Variants in ATOSA observed in about 807,000 individuals in gnomAD.
ATOSA encodes the protein atos homolog A, also known as atos homolog protein A.
the ATOSA span, chr15:52,600,960 G>T: frequency 1.5e-6 from 1 of 656,936 alleles, no homozygotes; most frequent in Non-Finnish European, 2.7e-6. Context: ...GTGTGTACAT[G>T]GTATCATACT....
At chr15:52,611,542 A>G in the ATOSA span, 1 of 1,600,236 alleles carries the variant, frequency 6.2e-7, no homozygotes. Flanking sequence ...TTGATTTACC[A>G]AGAACAACTT....
At chr15:52,697,972 T>TTTTTTTTTTTA in the ATOSA span, among the ~76,000 whole-genome samples, 1 of 113,570 alleles carries the variant, frequency 8.8e-6, no homozygotes, top group Non-Finnish European at 1.8e-5. Flanking sequence ...TTTTTTTTTT[T>TTTTTTTTTTTA]TTTTTTTTTT....
chr15:52,605,219 A>G, the ATOSA span: 1 of 1,610,666 alleles, frequency 6.2e-7, no homozygotes, highest in South Asian at 1.1e-5. Flanking sequence ...TGTTTTCGCC[A>G]CACATTTGAA....
At chr15:52,683,885 G>C in the ATOSA span, among the ~76,000 whole-genome samples, 12 of 152,118 alleles carry the variant, frequency 7.9e-5, no homozygotes, top group Admixed American at 6.5e-4. Flanking sequence ...AACTACTATG[G>C]AAACCCTTCT....
the ATOSA span, among the ~76,000 whole-genome samples, chr15:52,682,971 T>C: frequency 6.6e-6 from 1 of 152,204 alleles, no homozygotes; most frequent in African/African-American, 2.4e-5. Flanking sequence ...GGTTCCTGTT[T>C]GTCTACCCTC....
chr15:52,613,462 C>T, the ATOSA span, among the ~76,000 whole-genome samples: 3 of 152,220 alleles, frequency 2.0e-5, no homozygotes, highest in East Asian at 5.8e-4. Context: ...CACTTCCCCA[C>T]TGATCAGCAG....
the ATOSA span, chr15:52,678,093 T>C: frequency 1.3e-6 from 2 of 1,546,282 alleles, no homozygotes; most frequent in Non-Finnish European, 1.8e-6. Flanking sequence ...TCGCCGCTGA[T>C]TCTACGGCTT....
At chr15:52,618,192 C>A in the ATOSA span, among the ~76,000 whole-genome samples, 1 of 152,154 alleles carries the variant, frequency 6.6e-6, no homozygotes, top group Non-Finnish European at 1.5e-5. Context: ...GCACCTACCA[C>A]CACGTCTGGC....
chr15:52,605,210 G>C, the ATOSA span: 1 of 1,610,898 alleles, frequency 6.2e-7, no homozygotes, highest in Non-Finnish European at 8.5e-7. Flanking sequence ...TGAAAATTAT[G>C]TTTTCGCCAC....
the ATOSA span, among the ~76,000 whole-genome samples, chr15:52,697,733 T>C: frequency 6.6e-6 from 1 of 151,848 alleles, no homozygotes; most frequent in African/African-American, 2.4e-5. Flanking sequence ...CTTCAAGTTA[T>C]TAAGAAAAAG....
the ATOSA span, chr15:52,611,269 A>G: frequency 6.2e-7 from 1 of 1,609,114 alleles, no homozygotes; most frequent in East Asian, 2.2e-5. Context: ...AGGAAGTAAC[A>G]AAGCATAATT....
chr15:52,613,551 T>C, the ATOSA span: 2 of 1,220,034 alleles, frequency 1.6e-6, no homozygotes, highest in African/African-American at 1.5e-5. Context: ...ATTTTTTCCC[T>C]TTATGATTAT....
At chr15:52,662,551 A>G in the ATOSA span, among the ~76,000 whole-genome samples, 9 of 152,208 alleles carry the variant, frequency 5.9e-5, no homozygotes, top group South Asian at 4.2e-4. Context: ...AGGGCGGATC[A>G]CAAGGTCAGG....
At chr15:52,672,905 G>A in the ATOSA span, among the ~76,000 whole-genome samples, 1 of 152,134 alleles carries the variant, frequency 6.6e-6, no homozygotes, top group Non-Finnish European at 1.5e-5. Flanking sequence ...CTGAATCTCA[G>A]AAGTTGTATC....
At chr15:52,667,563 G>A in the ATOSA span, among the ~76,000 whole-genome samples, 2,714 of 152,226 alleles carry the variant, frequency 0.018, 86 homozygotes, top group African/African-American at 0.062. Flanking sequence ...AATGTTTAAC[G>A]GCTGGCTCAG....
chr15:52,659,910 T>TA, the ATOSA span, among the ~76,000 whole-genome samples: 7 of 152,146 alleles, frequency 4.6e-5, no homozygotes, highest in Admixed American at 2.6e-4. Context: ...GTAACACACT[T>TA]AGAGTGAAAG....
At chr15:52,629,133 T>G in the ATOSA span, among the ~76,000 whole-genome samples, 2 of 152,058 alleles carry the variant, frequency 1.3e-5, no homozygotes, top group South Asian at 4.1e-4. Flanking sequence ...GAGTTAAGAG[T>G]TTTTTTGGAT....
chr15:52,604,656 A>G, the ATOSA span, among the ~76,000 whole-genome samples: 3 of 152,184 alleles, frequency 2.0e-5, no homozygotes, highest in African/African-American at 7.2e-5. Flanking sequence ...TGTGTTGCAT[A>G]ACTAGGGGGA....
At chr15:52,611,770 T>C in the ATOSA span, 2 of 1,613,684 alleles carry the variant, frequency 1.2e-6, no homozygotes, top group Non-Finnish European at 1.7e-6. Flanking sequence ...TCGTCTGGCT[T>C]GGCGGCACTT....
Sources: allele counts gnomAD v4.1 joint callset (sites outside exome capture counted in the v4.1 genomes callset), GRCh38; gene constraint gnomAD v4.1.1; transcripts MANE v1.5; gene names NCBI Gene and HGNC (gene_info 2026-07-23, HGNC 2026-07-21).